The following TRDMT1 variants were observed in gnomAD, a reference collection of about 807,000 sequenced individuals.
TRDMT1 encodes the protein tRNA (cytosine(38)-C(5))-methyltransferase.
A neutral mutation model predicts 51.2 loss-of-function variants in TRDMT1; 49 were observed. The ratio of observed to expected loss-of-function variants is 0.96; its 90% CI spans 0.76 to 1.21. The LOEUF (loss-of-function observed/expected upper bound fraction) is 1.21, where lower values mean the gene tolerates loss of function less well. TRDMT1 is among the 50% of genes most tolerant of loss of function. The pLI, the probability that TRDMT1 is intolerant of heterozygous loss-of-function variation, is 0.00. For synonymous variants in TRDMT1, 187 were observed against 164.6 expected (o/e 1.14, Z -1.04); for missense variants, 534 against 462.3 (o/e 1.16, Z -1.42).
At chr10:17,152,545 C>G (rs910957352) in intron 10 of TRDMT1, among the ~76,000 whole-genome samples, 3 of 152,202 alleles carry the variant, frequency 2.0e-5, no homozygotes, top group Non-Finnish European at 2.9e-5. Context: ...TGCATTCAAA[C>G]TCTCAAGAGT....
intron 1 of TRDMT1, among the ~76,000 whole-genome samples, chr10:17,193,131 G>A (rs61841818): frequency 0.14 from 20,797 of 152,046 alleles, 1,489 homozygotes; most frequent in Admixed American, 0.17. Flanking sequence ...TGGGAGGTTG[G>A]GGTGGGCTGA....
chr10:17,179,837 A>G (rs141568823), intron 1 of TRDMT1, among the ~76,000 whole-genome samples: 1 of 152,082 alleles, frequency 6.6e-6, no homozygotes, highest in African/African-American at 2.4e-5. Context: ...AGCTTTCCTG[A>G]CCTTGCTATC....
intron 1 of TRDMT1, among the ~76,000 whole-genome samples, chr10:17,190,273 T>C (rs546217645): frequency 6.6e-6 from 1 of 152,162 alleles, no homozygotes; most frequent in East Asian, 1.9e-4. Context: ...ACAGAGATTC[T>C]AAAAAGGTTC....
intron 3 of TRDMT1, 71 bp from the exon 4 acceptor site, chr10:17,162,308 T>A: frequency 7.1e-7 from 1 of 1,401,462 alleles, no homozygotes; most frequent in Non-Finnish European, 9.8e-7. Context: ...TAAAAAGATG[T>A]CAAATCACTT....
intron 1 of TRDMT1, among the ~76,000 whole-genome samples, chr10:17,175,218 T>A (rs1292143053): frequency 6.6e-6 from 1 of 152,194 alleles, no homozygotes; most frequent in Non-Finnish European, 1.5e-5. Flanking sequence ...GAACAATTAA[T>A]TGGTATCCAA....
At position 17,142,902 on chromosome 10, in the gene TRDMT1, C is replaced by G. The variant is rs758350876; in HGVS notation, c.*6138G>C. 1.2e-4 allele frequency: 92 copies of G among 788,628 alleles called. No homozygotes were observed. Among genetic ancestry groups the G allele is most frequent in the Non-Finnish European group, 1.4e-4 (92 of 650,308 alleles). 48.9% of individuals were successfully genotyped at this position (788,628 alleles called of 1,614,324 possible). On this transcript the variant is annotated 3_prime_UTR_variant, in exon 11 of 11. Transcript: ENST00000377799. ...TTGCATTATTTTATAATTATACTTA[C>G]CCAGAGTTTATAATTACACTTTTCA...
At chr10:17,159,079 T>C (rs1839943115) in intron 7 of TRDMT1, 67 bp downstream of exon 7, 1 of 1,075,182 alleles carries the variant, frequency 9.3e-7, no homozygotes, top group Admixed American at 2.7e-5. Context: ...GAAAATAAAT[T>C]AGCAGACTAA....
chr10:17,181,570 T>C, intron 1 of TRDMT1, among the ~76,000 whole-genome samples: 1 of 152,202 alleles, frequency 6.6e-6, no homozygotes, highest in East Asian at 1.9e-4. Context: ...CCCTCCTTGT[T>C]CTCCTGTTTC....
intron 1 of TRDMT1, among the ~76,000 whole-genome samples, chr10:17,185,299 G>A (rs1843736893): frequency 1.3e-5 from 2 of 152,190 alleles, no homozygotes; most frequent in South Asian, 2.1e-4. Flanking sequence ...CATTTATGCA[G>A]CCAAAAGACA....
intron 1 of TRDMT1, among the ~76,000 whole-genome samples, chr10:17,194,948 T>TAA (rs1845192546): frequency 6.8e-5 from 3 of 43,802 alleles, no homozygotes; most frequent in African/African-American, 3.4e-4. Flanking sequence ...AAAAAAAAAG[T>TAA]CAAAAAAAAA....
At chr10:17,164,143 A>G (rs951400465) in intron 3 of TRDMT1, among the ~76,000 whole-genome samples, 19 of 152,350 alleles carry the variant, frequency 1.2e-4, no homozygotes, top group Middle Eastern at 3.4e-3. Flanking sequence ...AACCGAATCC[A>G]GCAGCACATC....
At position 17,140,884 on chromosome 10, in the gene TRDMT1, C is replaced by T. The variant is rs920079610; in HGVS notation, c.*8156G>A. On this transcript the variant is annotated 3_prime_UTR_variant, in exon 11 of 11. Coordinates refer to ENST00000377799, the MANE Select transcript of TRDMT1 (RefSeq NM_004412.7). ...CATTAGCTATACGTTAGGTGTCTTC[C>T]TTTCATCTTTGATTATTTCACATAT... Among the ~76,000 whole-genome samples the T allele has an allele frequency of 2.6e-5, 4 of 152,040 alleles. No homozygotes were observed. The highest frequency in any genetic ancestry group is 6.5e-5 in the Admixed American group (1 of 15,270).
At chr10:17,163,205 T>C (rs1840669543) in intron 3 of TRDMT1, among the ~76,000 whole-genome samples, 1 of 152,148 alleles carries the variant, frequency 6.6e-6, no homozygotes, top group East Asian at 1.9e-4. Context: ...CAGGCAGTAC[T>C]TGGGCTAGCA....
chr10:17,193,962 A>G lies in TRDMT1; in HGVS notation c.64+7609T>C, dbSNP rs182986648. On this transcript the variant is annotated intron_variant, in intron 1 of 10. Transcript: ENST00000377799. ...AGCATGGTACTGGTACAAAACAGAC[A>G]TATCAGACAAACGAAACAGAATAGA... Among the ~76,000 whole-genome samples, 6 of 152,348 alleles carry G rather than the reference A, an allele frequency of 3.9e-5. No homozygotes were observed. The East Asian group carries it at 1.2e-3, about 29-fold the overall frequency.
In TRDMT1 at chr10:17,162,260, AAAC is replaced by A. The variant is rs769003748; in HGVS notation, c.252-26_252-24del. On this transcript the variant is annotated intron_variant, in intron 3 of 10. Transcript: ENST00000377799. ...ATCCTAAAGGGGTAAAAAAAAAAAA[AAAC>A]AAAAAAAAACACAGAAAGTTTATTA... is the stretch of plus-strand genomic sequence containing the variant. The A allele has an allele frequency of 7.1e-5, 109 of 1,545,066 alleles. No individual in the cohort carries two copies. The African/African-American group carries it at 1.1e-3, about 15-fold the overall frequency.
At chr10:17,201,430 C>T (rs902964191) in intron 1 of TRDMT1, 141 bp downstream of exon 1, 5 of 775,294 alleles carry the variant, frequency 6.4e-6, no homozygotes, top group Non-Finnish European at 7.7e-6. Context: ...GAGCTGTTTC[C>T]AGGACAACCG....
Position 17,142,286 on chromosome 10 carries a change from C to G in TRDMT1, c.*6754G>C, listed in dbSNP as rs1180337151. The G allele has an allele frequency of 6.6e-6, 1 of 152,098 alleles. No individual in the cohort carries two copies. Among genetic ancestry groups the G allele is most frequent in the East Asian group, 1.9e-4 (1 of 5,188 alleles). 9.4% of individuals were successfully genotyped at this position (152,098 alleles called of 1,614,324 possible). A position where few individuals can be genotyped will look rare whatever the true frequency, so the allele number is the denominator to read the frequency against. ...CTTTTATTTTTAGTAGGCAGTCACT[C>G]CATTTGTGTTTAGCATGCAAGCCCT... On this transcript the variant is annotated 3_prime_UTR_variant, in exon 11 of 11. Coordinates refer to ENST00000377799, the MANE Select transcript of TRDMT1 (RefSeq NM_004412.7).
rs1837865508 is a variant in TRDMT1 at position 17,143,673 on chromosome 10, T to C, written c.*5367A>G. 3.0e-6 allele frequency: 3 copies of C among 985,354 alleles called. No individual in the cohort carries two copies. Among genetic ancestry groups the C allele is most frequent in the Non-Finnish European group, 3.6e-6 (3 of 829,954 alleles). 61.0% of individuals were successfully genotyped at this position (985,354 alleles called of 1,614,324 possible). A position where few individuals can be genotyped will look rare whatever the true frequency, so the allele number is the denominator to read the frequency against. ...TTGCAAATATATGTGTGGGTGTTTT[T>C]AAATCTCAGTGACTTTTTATAAGTT... On this transcript the variant is annotated 3_prime_UTR_variant, in exon 11 of 11. Coordinates refer to ENST00000377799, the MANE Select transcript of TRDMT1 (RefSeq NM_004412.7).
chr10:17,162,330 A>G, intron 3 of TRDMT1, 93 bp from the exon 4 acceptor site: 1 of 1,227,346 alleles, frequency 8.1e-7, no homozygotes, highest in Non-Finnish European at 1.1e-6. Flanking sequence ...TTAAGTCAAA[A>G]GGAGAATAAA....
Sources: gnomAD v4.1 joint callset for allele counts (sites outside exome capture counted in the v4.1 genomes callset) on GRCh38, gnomAD v4.1.1 for gene constraint, MANE v1.5 for transcripts, NCBI Gene and HGNC (gene_info 2026-07-23, HGNC 2026-07-21) for gene names.